The following ZNF254 variants were observed in gnomAD, a reference collection of about 807,000 sequenced individuals.
ZNF254 encodes CTD-2017D11.1.
In ZNF254, 10 loss-of-function variants were observed where a neutral mutation model predicts 12.4. The observed-to-expected ratio is 0.80, with a 90% CI of 0.50 to 1.36. The LOEUF (loss-of-function observed/expected upper bound fraction) is 1.36. Ranked by LOEUF, ZNF254 falls within the 40% of genes most tolerant of loss-of-function variation. ZNF254 has a pLI of 0.00. For missense variants in ZNF254, 996 were observed against 763.9 expected (o/e 1.30, Z -3.58); for synonymous variants, 305 against 253.4 (o/e 1.20, Z -1.93).
intron 2 of ZNF254, chr19:24,064,053 G>A (rs1971179527): frequency 6.6e-6 from 1 of 152,184 alleles, no homozygotes; most frequent in South Asian, 2.1e-4. Flanking sequence ...TAATTATTCT[G>A]CCTGGTCCCT....
At chr19:24,067,849 C>A (rs1042028125) in intron 2 of ZNF254, among the ~76,000 whole-genome samples, 2 of 152,096 alleles carry the variant, frequency 1.3e-5, no homozygotes, top group African/African-American at 4.8e-5. Context: ...TAATGTGAGT[C>A]TTCCACATAA....
intron 2 of ZNF254, among the ~76,000 whole-genome samples, chr19:24,053,800 CTT>C (rs1484817745): frequency 6.6e-6 from 1 of 152,162 alleles, no homozygotes; most frequent in Admixed American, 6.5e-5. Context: ...TGATGTAACT[CTT>C]TTCTATCTGG....
chr19:24,117,015 C>T (rs571042089), intron 3 of ZNF254, among the ~76,000 whole-genome samples: 23 of 152,236 alleles, frequency 1.5e-4, no homozygotes, highest in African/African-American at 4.3e-4. Flanking sequence ...AGCTGATTTT[C>T]GTGAACCGCG....
Position 24,106,570 on chromosome 19 carries a change from C to T in ZNF254, c.180C>T (p.Asp60=). The T allele has an allele frequency of 1.3e-6, 2 of 1,582,872 alleles. No homozygotes were observed. The highest frequency in any genetic ancestry group is 2.2e-5 in the South Asian group (2 of 90,758). The change falls in exon 3 of 4, where the codon GAC becomes GAT. Residue 60 remains aspartate (D), a synonymous_variant. Transcript: ENST00000357002. ...AFLGIAVSKP[D]LITCLEQGKE... is the part of the protein sequence containing the mutation. Reference sequence around the variant, plus strand: ...CAGGTATTGCTGTCTCTAAGCCAGACCTGATCACCTGTCTGGAACAAGGGA... The same window carrying T: ...CAGGTATTGCTGTCTCTAAGCCAGATCTGATCACCTGTCTGGAACAAGGGA...
At chr19:24,121,492 G>A (rs895168863) in intron 3 of ZNF254, among the ~76,000 whole-genome samples, 10 of 152,096 alleles carry the variant, frequency 6.6e-5, no homozygotes, top group African/African-American at 2.2e-4. Flanking sequence ...AATCAAATAT[G>A]AATCAGCCAT....
Position 24,126,850 on chromosome 19 carries a change from C to T in ZNF254, c.850C>T (p.His284Tyr). 1 of 1,613,384 alleles carries T rather than the reference C, an allele frequency of 6.2e-7. No homozygotes were observed. The highest frequency in any genetic ancestry group is 8.5e-7 in the Non-Finnish European group (1 of 1,179,738). ...AFNRSSNLTT[H>Y]KIIHTGEKPY... ...TAATCGATCCTCAAATCTTACTACA[C>T]ATAAGATAATTCATACTGGAGAGAA... The change falls in exon 4 of 4, where the codon CAT (histidine) becomes TAT (tyrosine). Residue 284 changes from histidine (H) to tyrosine (Y), a missense_variant. Coordinates refer to ENST00000357002, the MANE Select transcript of ZNF254 (RefSeq NM_203282.4).
intron 3 of ZNF254, among the ~76,000 whole-genome samples, chr19:24,111,298 C>T (rs953884392): frequency 2.6e-5 from 4 of 152,132 alleles, no homozygotes; most frequent in African/African-American, 9.7e-5. Context: ...TTATTGATGG[C>T]TGCATAGTAT....
At chr19:24,105,838 A>G (rs1201766148) in intron 1 of ZNF254, 102 bp from the exon 2 acceptor site, 3 of 1,491,564 alleles carry the variant, frequency 2.0e-6, no homozygotes, top group Non-Finnish European at 2.7e-6. Context: ...TCACTCTTAT[A>G]AGTCAGAACC....
chr19:24,061,502 G>T (rs900284700), intron 2 of ZNF254, among the ~76,000 whole-genome samples: 2 of 152,180 alleles, frequency 1.3e-5, no homozygotes, highest in African/African-American at 4.8e-5. Flanking sequence ...CAGCCACCAG[G>T]TGATATGTCT....
At position 24,074,221 on chromosome 19, in the gene ZNF254, T is replaced by C. The variant is rs1971578878; in HGVS notation, c.-94+27942T>C. ...CTCTGTACCAATCACCAAGGTAATG[T>C]GACTCTCTTATTCTACCAGGTCCCT... is the stretch of plus-strand genomic sequence containing the variant. On this transcript the variant is annotated intron_variant, in intron 2 of 4. Coordinates refer to the ZNF254 transcript ENST00000613065. Among the ~76,000 whole-genome samples, 6 of 146,302 alleles carry C rather than the reference T, an allele frequency of 4.1e-5. 1 individual carries two copies. The South Asian group carries it at 1.3e-3, about 32-fold the overall frequency.
At chr19:24,099,238 C>T (rs1223411555) in intron 1 of ZNF254, among the ~76,000 whole-genome samples, 2 of 151,082 alleles carry the variant, frequency 1.3e-5, no homozygotes, top group African/African-American at 4.9e-5. Flanking sequence ...AACTCCTGAC[C>T]TCATGATCCA....
intron 1 of ZNF254, among the ~76,000 whole-genome samples, chr19:24,090,502 T>C (rs1003665637): frequency 1.3e-5 from 2 of 151,792 alleles, no homozygotes; most frequent in African/African-American, 4.8e-5. Context: ...AGTGGTACCA[T>C]CTCGGTCCAC....
At chr19:24,068,728 C>G (rs1971369635) in intron 2 of ZNF254, among the ~76,000 whole-genome samples, 1 of 152,164 alleles carries the variant, frequency 6.6e-6, no homozygotes, top group South Asian at 2.1e-4. Flanking sequence ...AGATGAGACC[C>G]AGGTGATGTC....
intron 2 of ZNF254, among the ~76,000 whole-genome samples, chr19:24,047,616 GCTCT>G (rs1367470569): frequency 2.0e-5 from 1 of 49,696 alleles, no homozygotes. Context: ...TTTTTTTTTT[GCTCT>G]CTCTCTTGCT....
intron 3 of ZNF254, among the ~76,000 whole-genome samples, chr19:24,123,706 T>G (rs994967602): frequency 1.3e-5 from 2 of 152,144 alleles, no homozygotes; most frequent in Non-Finnish European, 2.9e-5. Context: ...TGTCCTTTGT[T>G]TCTTTGGAGT....
At chr19:24,091,326 A>G (rs2145675734) in intron 1 of ZNF254, among the ~76,000 whole-genome samples, 1 of 152,222 alleles carries the variant, frequency 6.6e-6, no homozygotes, top group Middle Eastern at 3.4e-3. Context: ...AAAAAAAAAA[A>G]AAAATCTCTC....
chr19:24,097,729 T>C (rs1329384336), intron 1 of ZNF254, among the ~76,000 whole-genome samples: 2 of 151,686 alleles, frequency 1.3e-5, no homozygotes, highest in African/African-American at 2.4e-5. Context: ...TGTGGTAAGC[T>C]GAGATCATGT....
At chr19:24,106,193 A>G in intron 2 of ZNF254, 127 bp downstream of exon 2, 1 of 1,272,220 alleles carries the variant, frequency 7.9e-7, no homozygotes, top group Non-Finnish European at 1.0e-6. Context: ...TTGTCTGTTG[A>G]GAAAGGAATT....
rs1320984287 is a variant in ZNF254 at position 24,129,776 on chromosome 19, CATA to C, written c.*1801_*1803del. On this transcript the variant is annotated 3_prime_UTR_variant, in exon 4 of 4. Transcript: ENST00000357002. Reference sequence around the variant, plus strand: ...TTGATTACAGGGTCATTTTTATGGTCATAATAAAAAATTTTATACAAACGTGTA... The same window carrying C: ...TTGATTACAGGGTCATTTTTATGGTCATAAAAAATTTTATACAAACGTGTA... 1 of 151,702 alleles carries C rather than the reference CATA, an allele frequency of 6.6e-6. No homozygotes were observed. Among genetic ancestry groups the C allele is most frequent in the Non-Finnish European group, 1.5e-5 (1 of 67,856 alleles). 9.4% of individuals were successfully genotyped at this position (151,702 alleles called of 1,614,324 possible).
Sources: allele counts gnomAD v4.1 joint callset (sites outside exome capture counted in the v4.1 genomes callset), GRCh38; gene constraint gnomAD v4.1.1; transcripts MANE v1.5; gene names NCBI Gene and HGNC (gene_info 2026-07-23, HGNC 2026-07-21).